Variants in RBFOX1 observed in about 807,000 individuals in gnomAD.
The protein encoded by RBFOX1 is RNA binding fox-1 homolog 1, also known as RNA binding protein fox-1 homolog 1.
Under a neutral mutation model 57.7 loss-of-function variants are expected in RBFOX1, and 8 were observed. The ratio of observed to expected loss-of-function variants is 0.14; its 90% CI spans 0.08 to 0.25. The LOEUF (loss-of-function observed/expected upper bound fraction) is 0.25. RBFOX1 is among the 10% of genes least tolerant of loss of function. The pLI is 1.00. For synonymous variants in RBFOX1, 326 were observed against 222.4 expected, an observed-to-expected ratio of 1.47 and a Z score of -4.15; for missense variants, 611 against 548.5, an observed-to-expected ratio of 1.11 and a Z score of -1.14.
chr16:6,398,183 A>G (rs759385666), intron 2 of RBFOX1, among the ~76,000 whole-genome samples: 1 of 152,200 alleles, frequency 6.6e-6, no homozygotes, highest in Non-Finnish European at 1.5e-5. Flanking sequence ...TCATGAGAAC[A>G]GCATCAGGGT....
At chr16:5,323,237 G>A (rs747858370) in intron 1 of RBFOX1, among the ~76,000 whole-genome samples, 1 of 152,236 alleles carries the variant, frequency 6.6e-6, no homozygotes, top group African/African-American at 2.4e-5. Flanking sequence ...GTACAGATGG[G>A]TGGAATGTGT....
chr16:6,526,215 G>C (rs2096575307), intron 2 of RBFOX1, among the ~76,000 whole-genome samples: 1 of 152,286 alleles, frequency 6.6e-6, no homozygotes, highest in African/African-American at 2.4e-5. Flanking sequence ...GTTTAAAAAA[G>C]AGGGGGCTCA....
intron 4 of RBFOX1, among the ~76,000 whole-genome samples, chr16:7,404,946 C>T (rs1012128945): frequency 6.6e-6 from 1 of 152,126 alleles, no homozygotes; most frequent in South Asian, 2.1e-4. Context: ...GTCCTCGTTT[C>T]TCATGTCTAC....
At chr16:6,352,817 A>G (rs1484946551) in intron 2 of RBFOX1, among the ~76,000 whole-genome samples, 2 of 152,212 alleles carry the variant, frequency 1.3e-5, no homozygotes, top group African/African-American at 4.8e-5. Flanking sequence ...CCAGGCAATC[A>G]TGGTACAGTA....
At chr16:6,497,984 C>G (rs536067454) in intron 2 of RBFOX1, among the ~76,000 whole-genome samples, 67 of 152,196 alleles carry the variant, frequency 4.4e-4, no homozygotes, top group African/African-American at 1.5e-3. Flanking sequence ...CACAGTGGTT[C>G]ATGCCTGTAA....
intron 3 of RBFOX1, among the ~76,000 whole-genome samples, chr16:5,684,703 C>G (rs1243399275): frequency 6.6e-6 from 1 of 152,192 alleles, no homozygotes; most frequent in South Asian, 2.1e-4. Context: ...GCCGTTGAAG[C>G]TATCAAACGA....
intron 3 of RBFOX1, among the ~76,000 whole-genome samples, chr16:6,802,880 A>G (rs1282445874): frequency 1.3e-5 from 2 of 152,200 alleles, no homozygotes; most frequent in African/African-American, 4.8e-5. Flanking sequence ...AGGAGCTGAC[A>G]TAGTGGAATT....
rs71145245 is a variant in RBFOX1 at position 6,542,483 on chromosome 16, C to CTTTTTTTTTTTTT, written c.-63-112108_-63-112096dup. The stretch of plus-strand genomic sequence containing the variant: ...CCACTGCCCTGTGTGGGACCATAGT[C>CTTTTTTTTTTTTT]TTTTTTTTTTTTTTTTTTTTTTTTG... On this transcript the variant is annotated intron_variant, in intron 2 of 15. Transcript: ENST00000550418. Among the ~76,000 whole-genome samples the CTTTTTTTTTTTTT allele has an allele frequency of 7.1e-3, 396 of 55,722 alleles. 112 individuals carry two copies. The highest frequency in any genetic ancestry group is 8.5e-3 in the East Asian group (14 of 1,648). 36.6% of individuals were successfully genotyped at this position (55,722 alleles called of 152,430 possible).
intron 2 of RBFOX1, among the ~76,000 whole-genome samples, chr16:5,485,835 G>T (rs757785782): frequency 7.9e-5 from 12 of 152,228 alleles, no homozygotes; most frequent in Non-Finnish European, 1.6e-4. Flanking sequence ...GATAGAATCT[G>T]TAATCAGGTT....
intron 3 of RBFOX1, among the ~76,000 whole-genome samples, chr16:5,823,249 A>G (rs533835134): frequency 2.0e-5 from 3 of 152,282 alleles, no homozygotes; most frequent in South Asian, 4.1e-4. Context: ...GTCCTTACAC[A>G]TAGTTGGTAC....
At chr16:6,964,379 G>T (rs2083649023) in intron 3 of RBFOX1, among the ~76,000 whole-genome samples, 1 of 152,134 alleles carries the variant, frequency 6.6e-6, no homozygotes, top group Non-Finnish European at 1.5e-5. Context: ...GTGGATCTGT[G>T]TCGTTATATA....
intron 1 of RBFOX1, among the ~76,000 whole-genome samples, chr16:6,151,275 G>A (rs1027571580): frequency 4.6e-5 from 7 of 152,084 alleles, no homozygotes; most frequent in Non-Finnish European, 1.0e-4. Flanking sequence ...AATTCCTGTT[G>A]CATAATTAGT....
intron 5 of RBFOX1, among the ~76,000 whole-genome samples, chr16:7,566,887 C>A (rs2091812390): frequency 6.6e-6 from 1 of 151,762 alleles, no homozygotes; most frequent in Non-Finnish European, 1.5e-5. Flanking sequence ...TGTGTATTTT[C>A]CCCCCAAAAG....
At chr16:6,681,228 C>G (rs116153854) in intron 3 of RBFOX1, among the ~76,000 whole-genome samples, 2,466 of 152,182 alleles carry the variant, frequency 0.016, 64 homozygotes, top group African/African-American at 0.055. Context: ...AGGAGCATCA[C>G]TTAAGCCTGG....
At chr16:7,014,731 G>C (rs1219132741) in intron 3 of RBFOX1, among the ~76,000 whole-genome samples, 3 of 151,482 alleles carry the variant, frequency 2.0e-5, no homozygotes, top group Admixed American at 1.3e-4. Context: ...TTCTTTACCA[G>C]GTTGTTTTTT....
chr16:7,130,247 C>G (rs1419937966), intron 4 of RBFOX1, among the ~76,000 whole-genome samples: 1 of 151,950 alleles, frequency 6.6e-6, no homozygotes, highest in Non-Finnish European at 1.5e-5. Flanking sequence ...TTTGGCCAGG[C>G]TGGTCTTGAA....
At chr16:6,965,754 C>T (rs142395444) in intron 3 of RBFOX1, among the ~76,000 whole-genome samples, 1 of 152,080 alleles carries the variant, frequency 6.6e-6, no homozygotes, top group African/African-American at 2.4e-5. Context: ...TGTTTATTAT[C>T]CTGGGGTGCT....
intron 4 of RBFOX1, among the ~76,000 whole-genome samples, chr16:7,446,299 A>G (rs1306114128): frequency 6.6e-6 from 1 of 152,130 alleles, no homozygotes. Context: ...TTGTCACTTG[A>G]GTTTGTAATC....
At chr16:5,638,803 A>C (rs2048769392) in intron 3 of RBFOX1, among the ~76,000 whole-genome samples, 1 of 152,096 alleles carries the variant, frequency 6.6e-6, no homozygotes, top group African/African-American at 2.4e-5. Context: ...GAGCAGCCTT[A>C]AGTTCTGGGC....
Sources: allele counts gnomAD v4.1 joint callset (sites outside exome capture counted in the v4.1 genomes callset), GRCh38; gene constraint gnomAD v4.1.1; transcripts MANE v1.5; gene names NCBI Gene and HGNC (gene_info 2026-07-23, HGNC 2026-07-21).